Variants in PRSS41 observed in about 807,000 individuals in gnomAD.
The protein encoded by PRSS41 is serine protease 41.
PRSS41 carries 37 observed loss-of-function variants against 28.8 expected under a neutral mutation model. The observed-to-expected ratio is 1.29, with a 90% CI of 0.99 to 1.69. The LOEUF (loss-of-function observed/expected upper bound fraction) is 1.69, where lower values mean the gene tolerates loss of function less well. Ranked by LOEUF, PRSS41 falls within the 40% of genes most tolerant of loss-of-function variation. The probability of loss-of-function intolerance (pLI) is 0.00; values close to 1 mark genes in which losing one functional copy is unlikely to be tolerated. For missense variants in PRSS41, 431 were observed against 400.7 expected, an observed-to-expected ratio of 1.08 and a Z score of -0.65; for synonymous variants, 195 against 163.1, an observed-to-expected ratio of 1.20 and a Z score of -1.49.
In PRSS41 at chr16:2,799,683, C is replaced by G. The variant is rs555362301; in HGVS notation, c.541+114C>G. ...CCCCCTCCTTGGTCTGGGGCTGCAA[C>G]CTGCGCCCCTCCTGCTCTCATTCTC... On this transcript the variant is annotated intron_variant, in intron 4 of 5. Coordinates refer to ENST00000399677, the Ensembl canonical transcript of PRSS41. The G allele has an allele frequency of 7.5e-6, 8 of 1,066,550 alleles. No homozygotes were observed. In the South Asian group the frequency reaches 1.1e-4, roughly 14 times the overall value. The allele number at this position is 1,066,550 out of a possible 1,614,324, so 66.1% of individuals were successfully genotyped here.
At chr16:2,799,103 C>T (rs1179053870) in exon 3 of PRSS41, 2 of 1,526,278 alleles carry the variant, frequency 1.3e-6, no homozygotes, top group Non-Finnish European at 8.8e-7. Context: ...TGGGTGCTCT[C>T]GGCTGCGCAC....
chr16:2,799,082 T>A (rs759827111), exon 3 of PRSS41: 1 of 1,533,444 alleles, frequency 6.5e-7, no homozygotes, highest in South Asian at 1.2e-5. Context: ...GGGAGCCTGC[T>A]CAGCCGCCGC....
intron 4 of PRSS41, 87 bp from the exon 5 acceptor site, chr16:2,804,302 C>G (rs2069006352): frequency 7.0e-7 from 1 of 1,437,440 alleles, no homozygotes; most frequent in Non-Finnish European, 9.4e-7. Flanking sequence ...TTCTCCCCAC[C>G]CCTATAACAC....
chr16:2,799,077 C>T, exon 3 of PRSS41: 1 of 1,533,244 alleles, frequency 6.5e-7, no homozygotes, highest in East Asian at 2.4e-5. Context: ...GTGGAGGGAG[C>T]CTGCTCAGCC....
chr16:2,804,068 T>A (rs1415138979), intron 4 of PRSS41, among the ~76,000 whole-genome samples: 1 of 152,252 alleles, frequency 6.6e-6, no homozygotes, highest in Non-Finnish European at 1.5e-5. Flanking sequence ...CATTCTCATC[T>A]ACTGTAGCCC....
At position 2,800,873 on chromosome 16, in the gene PRSS41, G is replaced by A. The variant is rs554720119; in HGVS notation, c.541+1304G>A. Among the ~76,000 whole-genome samples, 67 of 152,208 alleles carry A rather than the reference G, an allele frequency of 4.4e-4. No homozygotes were observed. The South Asian group carries it at 0.013, about 30-fold the overall frequency. On this transcript the variant is annotated intron_variant, in intron 4 of 5. Coordinates refer to ENST00000399677, the Ensembl canonical transcript of PRSS41. ...CCTTAAGACACAAACACATTGTATA[G>A]CTATATGAAAATATTTTCTTTCTTT... is the stretch of plus-strand genomic sequence containing the variant.
chr16:2,801,359 T>A (rs1029017874), intron 4 of PRSS41, among the ~76,000 whole-genome samples: 1 of 151,902 alleles, frequency 6.6e-6, no homozygotes, highest in Non-Finnish European at 1.5e-5. Context: ...ATTTTTTTTT[T>A]ATTGATAATT....
exon 3 of PRSS41, chr16:2,798,996 G>T: frequency 6.5e-7 from 1 of 1,532,028 alleles, no homozygotes. Context: ...CGCTGGTGGC[G>T]GGCGGAGTGG....
chr16:2,804,965 G>A (rs369316899), exon 6 of PRSS41: 20 of 1,588,574 alleles, frequency 1.3e-5, no homozygotes, highest in Non-Finnish European at 1.6e-5. Flanking sequence ...GTGGTATCAG[G>A]TTGGAATCGT....
At chr16:2,801,335 TA>T (rs1172725046) in intron 4 of PRSS41, among the ~76,000 whole-genome samples, 5 of 151,512 alleles carry the variant, frequency 3.3e-5, no homozygotes, top group Non-Finnish European at 7.4e-5. Context: ...CTTGGACTCT[TA>T]TTTTTTTTTT....
intron 4 of PRSS41, among the ~76,000 whole-genome samples, chr16:2,803,567 A>C (rs1211538160): frequency 1.3e-5 from 2 of 152,260 alleles, no homozygotes; most frequent in Non-Finnish European, 2.9e-5. Context: ...AAATTACATA[A>C]GAAAAAGAGG....
At chr16:2,805,184 CA>C in exon 6 of PRSS41, 2 of 1,424,314 alleles carry the variant, frequency 1.4e-6, no homozygotes, top group Non-Finnish European at 1.9e-6. Flanking sequence ...CAGTGGGGAC[CA>C]CAGTATTGGC....
exon 6 of PRSS41, chr16:2,805,135 C>G: frequency 6.5e-7 from 1 of 1,548,734 alleles, no homozygotes; most frequent in Non-Finnish European, 8.7e-7. Context: ...CTCCCTGACT[C>G]CTGCAGCCAT....
At chr16:2,798,810 C>A (rs2068965111) in intron 2 of PRSS41, 148 bp downstream of exon 2, 2 of 1,169,474 alleles carry the variant, frequency 1.7e-6, no homozygotes, top group Non-Finnish European at 2.3e-6. Context: ...CACTGCCCAC[C>A]ACGTGGGAGG....
At chr16:2,799,258 C>T (rs1026492212) in intron 3 of PRSS41, 28 bp from the exon 4 acceptor site, 3 of 1,548,622 alleles carry the variant, frequency 1.9e-6, no homozygotes, top group African/African-American at 2.7e-5. Context: ...TATTCCAAGG[C>T]TCCCCGCCCT....
chr16:2,805,187 A>G, exon 6 of PRSS41: 2 of 1,405,598 alleles, frequency 1.4e-6, no homozygotes, highest in Non-Finnish European at 2.0e-6. Flanking sequence ...TGGGGACCAC[A>G]GTATTGGCTC....
chr16:2,800,636 G>A (rs2068980074), intron 4 of PRSS41, among the ~76,000 whole-genome samples: 1 of 152,042 alleles, frequency 6.6e-6, no homozygotes, highest in Admixed American at 6.6e-5. Flanking sequence ...GTGGCTGTTG[G>A]TAAGTGAACG....
intron 4 of PRSS41, among the ~76,000 whole-genome samples, chr16:2,802,488 G>T (rs1319152766): frequency 1.3e-5 from 2 of 152,194 alleles, no homozygotes; most frequent in South Asian, 4.1e-4. Flanking sequence ...ATGGCGGCCG[G>T]GCAGAGGCTG....
At chr16:2,799,322 C>A in exon 4 of PRSS41, 1 of 1,551,646 alleles carries the variant, frequency 6.4e-7, no homozygotes, top group South Asian at 1.2e-5. Flanking sequence ...TCCAGCTGGG[C>A]GAGCTGACTT....
Sources: allele counts gnomAD v4.1 joint callset (sites outside exome capture counted in the v4.1 genomes callset), GRCh38; gene constraint gnomAD v4.1.1; transcripts MANE v1.5; gene names NCBI Gene and HGNC (gene_info 2026-07-23, HGNC 2026-07-21).